Variants in FLRT1 observed in about 807,000 individuals in gnomAD.
The protein encoded by FLRT1 is leucine-rich repeat transmembrane protein FLRT1.
In FLRT1, 14 loss-of-function variants were observed where a neutral mutation model predicts 30.9. That is an observed-to-expected ratio of 0.45 (90% CI 0.30 to 0.71). The LOEUF (loss-of-function observed/expected upper bound fraction) is 0.71. FLRT1 is among the 30% of genes least tolerant of loss of function. The probability of loss-of-function intolerance (pLI) is 0.08; values close to 1 mark genes in which losing one functional copy is unlikely to be tolerated. For synonymous variants in FLRT1, 368 were observed against 430.4 expected (o/e 0.85, Z 1.80); for missense variants, 737 against 949.2 (o/e 0.78, Z 2.94).
chr11:64,117,952 C>T lies in FLRT1; in HGVS notation c.1685C>T (p.Ala562Val), dbSNP rs566001505. 6.2e-7 allele frequency: 1 copy of T among 1,613,700 alleles called. No homozygotes were observed. Among genetic ancestry groups the T allele is most frequent in the South Asian group, 1.1e-5 (1 of 91,078 alleles). Reference protein sequence around the residue: ...PLAGIIGGAVALVFLFLVLGA... With the variant: ...PLAGIIGGAVVLVFLFLVLGA... ...GCGGGCATCATCGGCGGGGCAGTGG[C>T]TCTGGTCTTCCTCTTCCTGGTCCTG... The change falls in exon 3 of 3, where the codon GCT becomes GTT. Residue 562 changes from alanine (A) to valine (V), a missense_variant. Ala to Val is a moderately conservative substitution (Grantham distance 64). Coordinates refer to ENST00000682287, the MANE Select transcript of FLRT1 (RefSeq NM_013280.5).
intron 1 of FLRT1, among the ~76,000 whole-genome samples, chr11:64,084,160 G>A (rs1035850765): frequency 2.0e-5 from 3 of 152,154 alleles, no homozygotes; most frequent in Non-Finnish European, 4.4e-5. Context: ...TGGCACGCGC[G>A]CCTTCTGCAG....
In FLRT1 at chr11:64,102,617, T is replaced by C. The variant is rs746365130; in HGVS notation, c.-1037-577T>C. On this transcript the variant is annotated intron_variant, in intron 1 of 2. Coordinates refer to ENST00000682287, the MANE Select transcript of FLRT1 (RefSeq NM_013280.5). ...GCCAGGAGCTCGAAAAACTTCATTT[T>C]TCTCTTCCCAGTCCTTCCACCCCCA... 4.5e-4 allele frequency among the ~76,000 whole-genome samples: 69 copies of C among 152,312 alleles called. 2 individuals carry two copies. The highest frequency in any genetic ancestry group is 6.8e-3 in the Middle Eastern group (2 of 294).
At position 64,116,834 on chromosome 11, in the gene FLRT1, G is replaced by C. The variant is rs775202762; in HGVS notation, c.567G>C (p.Leu189=). ...LKLLFLSRNH[L]SSIPSGLPHT... is the part of the protein sequence containing the mutation. ...TGCTCTTCCTGAGCCGGAACCACCTGAGCAGCATCCCCTCGGGGCTGCCGC... is the reference window on the plus strand; with the variant it reads ...TGCTCTTCCTGAGCCGGAACCACCTCAGCAGCATCCCCTCGGGGCTGCCGC... Residue 189 remains leucine (L), a synonymous_variant, in exon 3 of 3, where the codon CTG becomes CTC. Coordinates refer to ENST00000682287, the MANE Select transcript of FLRT1 (RefSeq NM_013280.5). 1.2e-6 allele frequency: 2 copies of C among 1,612,862 alleles called. No homozygotes were observed. Among genetic ancestry groups the C allele is most frequent in the South Asian group, 1.1e-5 (1 of 91,088 alleles).
intron 1 of FLRT1, among the ~76,000 whole-genome samples, chr11:64,072,222 G>A (rs1459406210): frequency 6.6e-6 from 1 of 152,134 alleles, no homozygotes; most frequent in Non-Finnish European, 1.5e-5. Flanking sequence ...GCTGCTGTGG[G>A]ATGGAGGGGC....
At chr11:64,049,542 G>C (rs577107927) in intron 1 of FLRT1, among the ~76,000 whole-genome samples, 1 of 152,182 alleles carries the variant, frequency 6.6e-6, no homozygotes, top group African/African-American at 2.4e-5. Context: ...CTCCCCAAGC[G>C]GTCTTGGTCT....
intron 2 of FLRT1, among the ~76,000 whole-genome samples, chr11:64,105,957 C>T (rs1045489940): frequency 6.4e-5 from 6 of 93,188 alleles, no homozygotes; most frequent in South Asian, 4.1e-4. Flanking sequence ...GGGTTCCATC[C>T]GTGAGTGTAT....
chr11:64,046,737 A>C (rs571214680), intron 1 of FLRT1, among the ~76,000 whole-genome samples: 149 of 152,158 alleles, frequency 9.8e-4, no homozygotes, highest in African/African-American at 3.2e-3. Flanking sequence ...GACCTTGAGT[A>C]ATCCGCCTGC....
intron 1 of FLRT1, among the ~76,000 whole-genome samples, chr11:64,044,570 T>C (rs1340365149): frequency 1.3e-5 from 2 of 152,174 alleles, no homozygotes; most frequent in Non-Finnish European, 2.9e-5. Flanking sequence ...GCACTATTAT[T>C]ATCCTGATTT....
intron 1 of FLRT1, among the ~76,000 whole-genome samples, chr11:64,053,882 G>A (rs569264655): frequency 1.5e-4 from 23 of 152,244 alleles, no homozygotes; most frequent in African/African-American, 3.6e-4. Context: ...ATGCAAGGCC[G>A]CATACCCGGT....
At chr11:64,062,608 G>A (rs995711454) in intron 1 of FLRT1, among the ~76,000 whole-genome samples, 3 of 150,214 alleles carry the variant, frequency 2.0e-5, no homozygotes, top group African/African-American at 5.0e-5. Context: ...TGTCCTGGGC[G>A]CTGGGGATGG....
intron 1 of FLRT1, among the ~76,000 whole-genome samples, chr11:64,074,541 C>T (rs1022442824): frequency 6.6e-5 from 10 of 152,220 alleles, no homozygotes. Flanking sequence ...CAGCAAATAA[C>T]GTGTGGAGAA....
chr11:64,067,642 C>G lies in FLRT1; in HGVS notation c.-1038+31483C>G, dbSNP rs1201972671. On this transcript the variant is annotated intron_variant, in intron 1 of 2. Coordinates refer to ENST00000682287, the MANE Select transcript of FLRT1 (RefSeq NM_013280.5). The surrounding 1 kb of genome is among the most constrained non-coding windows in gnomAD (Gnocchi z 4.6). ...ATGCCCGTGGCCTCCGGTGCACACA[C>G]AGGGTCCCCAAGCAGGCAGCTGGAG... Among the ~76,000 whole-genome samples, 4 of 152,186 alleles carry G rather than the reference C, an allele frequency of 2.6e-5. No homozygotes were observed. The highest frequency in any genetic ancestry group is 7.2e-5 in the African/African-American group (3 of 41,456).
At chr11:64,047,047 C>G (rs560822544) in intron 1 of FLRT1, among the ~76,000 whole-genome samples, 22 of 152,308 alleles carry the variant, frequency 1.4e-4, no homozygotes, top group African/African-American at 2.2e-4. Context: ...CAGTGCCCCC[C>G]CCGGCTAGCA....
chr11:64,080,161 C>T (rs532518630), intron 1 of FLRT1, among the ~76,000 whole-genome samples: 43 of 152,176 alleles, frequency 2.8e-4, no homozygotes, highest in Non-Finnish European at 5.1e-4. Context: ...TACAGGCGTG[C>T]GCCACCATGC....
chr11:64,089,113 G>A (rs531456048), intron 1 of FLRT1, among the ~76,000 whole-genome samples: 8 of 152,324 alleles, frequency 5.3e-5, no homozygotes, highest in South Asian at 4.1e-4. Flanking sequence ...GAACCCAGCC[G>A]GAAGGCAGGA....
chr11:64,106,132 T>C (rs1427884425), intron 2 of FLRT1, among the ~76,000 whole-genome samples: 1 of 152,132 alleles, frequency 6.6e-6, no homozygotes, highest in African/African-American at 2.4e-5. Flanking sequence ...GAGGTCCCGC[T>C]GGGCAGCTGA....
chr11:64,113,028 G>A lies in FLRT1; in HGVS notation c.-49-3191G>A, dbSNP rs114493608. Among the ~76,000 whole-genome samples the A allele has an allele frequency of 9.4e-3, 1,432 of 152,318 alleles. 26 individuals carry two copies. Among genetic ancestry groups the A allele is most frequent in the African/African-American group, 0.033 (1,365 of 41,570 alleles). ...GACATGAAAACACCAGTCACCAAATGGTGTGACCTGCAACCCACAGAGTGC... is the reference window on the plus strand; with the variant it reads ...GACATGAAAACACCAGTCACCAAATAGTGTGACCTGCAACCCACAGAGTGC... On this transcript the variant is annotated intron_variant, in intron 2 of 2. Coordinates refer to ENST00000682287, the MANE Select transcript of FLRT1 (RefSeq NM_013280.5).
chr11:64,047,569 G>T (rs1344573494), intron 1 of FLRT1, among the ~76,000 whole-genome samples: 3 of 152,076 alleles, frequency 2.0e-5, no homozygotes, highest in African/African-American at 7.2e-5. Flanking sequence ...GTACTTAGAG[G>T]CTCCATTTTA....
At chr11:64,047,042 C>T (rs1248914003) in intron 1 of FLRT1, among the ~76,000 whole-genome samples, 4 of 151,070 alleles carry the variant, frequency 2.6e-5, no homozygotes, top group Admixed American at 2.0e-4. Context: ...CGCCCCAGTG[C>T]CCCCCCCGGC....
Sources: allele counts gnomAD v4.1 joint callset (sites outside exome capture counted in the v4.1 genomes callset), GRCh38; gene constraint gnomAD v4.1.1; non-coding constraint Gnocchi (gnomAD v3.1); transcripts MANE v1.5; gene names NCBI Gene and HGNC (gene_info 2026-07-23, HGNC 2026-07-21).